Variants in NEUROD6 observed in about 807,000 individuals in gnomAD.
NEUROD6 encodes neuronal differentiation 6.
In NEUROD6, 5 loss-of-function variants were observed where a neutral mutation model predicts 24.1. That is an observed-to-expected ratio of 0.21 (90% CI 0.11 to 0.44). The LOEUF (loss-of-function observed/expected upper bound fraction) is 0.44, where lower values mean the gene tolerates loss of function less well. Among genes scored for constraint, NEUROD6 ranks in the 20% least tolerant of loss-of-function variants. The pLI is 0.99. For synonymous variants in NEUROD6, 182 were observed against 154.1 expected (o/e 1.18, Z -1.34); for missense variants, 325 against 409.5 (o/e 0.79, Z 1.78).
chr7:31,340,016 A>AG (rs1414832994), intron 1 of NEUROD6, among the ~76,000 whole-genome samples: 1 of 149,288 alleles, frequency 6.7e-6, no homozygotes, highest in Non-Finnish European at 1.5e-5. Flanking sequence ...AATTTCTTTT[A>AG]ATTAAAAAAA....
chr7:31,338,412 T>A lies in NEUROD6; in HGVS notation c.857A>T (p.Asn286Ile). 1 of 1,614,184 alleles carries A rather than the reference T, an allele frequency of 6.2e-7. No homozygotes were observed. Among genetic ancestry groups the A allele is most frequent in the Non-Finnish European group, 8.5e-7 (1 of 1,180,034 alleles). The change falls in exon 2 of 2, where the codon AAT becomes ATT. Residue 286 changes from asparagine to isoleucine, a missense_variant. This residue lies in a region of NEUROD6 where 175 missense variants were observed against 201.3 expected (regional missense o/e 0.87). Transcript: ENST00000297142. This position sits in a 1 kb window ranked among gnomAD's most constrained non-coding sequence, Gnocchi z 5.1. ...CACTGCACAGTAATGCATGCCGTAA[T>A]TGTAATTTTTACCATAGTCCAAGGT... The part of the protein sequence containing the change: ...EETLDYGKNY[N>I]YGMHYCAVPP...
In NEUROD6 at chr7:31,338,009, A is replaced by C. The variant is rs1427170741; in HGVS notation, c.*246T>G. 2.2e-6 allele frequency: 1 copy of C among 460,196 alleles called. No individual in the cohort carries two copies. Among genetic ancestry groups the C allele is most frequent in the African/African-American group, 1.9e-5 (1 of 51,412 alleles). 28.5% of individuals were successfully genotyped at this position (460,196 alleles called of 1,614,324 possible). On this transcript the variant is annotated 3_prime_UTR_variant, in exon 2 of 2. Transcript: ENST00000297142. This position sits in a 1 kb window ranked among gnomAD's most constrained non-coding sequence, Gnocchi z 5.1. ...TTAAATAAGTTTAAAAGAAAATTAA[A>C]AAGAAAAAAATCTTTCCAGTAGAAA...
At position 31,338,159 on chromosome 7, in the gene NEUROD6, A is replaced by G; in HGVS notation, c.*96T>C. ...CACTTCAGAAACTAGTAAACACCTT[A>G]GATAGAGTTGTGCCAATTACTCAGC... On this transcript the variant is annotated 3_prime_UTR_variant, in exon 2 of 2. Coordinates refer to ENST00000297142, the MANE Select transcript of NEUROD6 (RefSeq NM_022728.4). This position sits in a 1 kb window ranked among gnomAD's most constrained non-coding sequence, Gnocchi z 5.1. 1.1e-6 allele frequency: 1 copy of G among 928,798 alleles called. No individual in the cohort carries two copies. The highest frequency in any genetic ancestry group is 1.6e-6 in the Non-Finnish European group (1 of 615,272). 57.5% of individuals were successfully genotyped at this position (928,798 alleles called of 1,614,324 possible). A position where few individuals can be genotyped will look rare whatever the true frequency, so the allele number is the denominator to read the frequency against.
At chr7:31,339,328 T>G (rs369159374) in intron 1 of NEUROD6, 39 bp from the exon 2 acceptor site, 1 of 1,469,262 alleles carries the variant, frequency 6.8e-7, no homozygotes. Flanking sequence ...GAGTTTTCAT[T>G]TTTAAAGTTT....
chr7:31,338,670 G>A lies in NEUROD6; in HGVS notation c.599C>T (p.Thr200Ile). 1 of 1,614,128 alleles carries A rather than the reference G, an allele frequency of 6.2e-7. No individual in the cohort carries two copies. Among genetic ancestry groups the A allele is most frequent in the Non-Finnish European group, 8.5e-7 (1 of 1,180,026 alleles). ...MGQGGEAAHHTRSPYSTFYPP... is the reference protein window; with the variant it reads ...MGQGGEAAHHIRSPYSTFYPP... The stretch of plus-strand genomic sequence containing the variant: ...GTAGAAGGTAGAGTAGGGTGACCTT[G>A]TGTGGTGTGCAGCCTCCCCACCCTG... Residue 200 changes from threonine to isoleucine, a missense_variant, in exon 2 of 2, where the codon ACA becomes ATA. By Grantham distance (89) the Thr-to-Ile change is moderately conservative (BLOSUM62 -1). Transcript: ENST00000297142. This position sits in a 1 kb window ranked among gnomAD's most constrained non-coding sequence, Gnocchi z 5.1.
At chr7:31,340,037 A>T (rs1783106893) in intron 1 of NEUROD6, among the ~76,000 whole-genome samples, 1 of 152,192 alleles carries the variant, frequency 6.6e-6, no homozygotes, top group Admixed American at 6.5e-5. Flanking sequence ...ATAGAGACTG[A>T]TTTTATTTAC....
Position 31,339,283 on chromosome 7 carries a change from A to C in NEUROD6, c.-15T>G. Reference sequence around the variant, plus strand: ...AGTGTTAACATGGTTCTCTAATCTTAAATTACCTGAAAAAATGCCAGCACA... The same window carrying C: ...AGTGTTAACATGGTTCTCTAATCTTCAATTACCTGAAAAAATGCCAGCACA... On this transcript the variant is annotated 5_prime_UTR_variant, in exon 2 of 2. An upstream open reading frame in the 5' UTR loses its in-frame stop. Transcript: ENST00000297142. The C allele has an allele frequency of 2.6e-6, 4 of 1,564,064 alleles. No individual in the cohort carries two copies. Among genetic ancestry groups the C allele is most frequent in the Non-Finnish European group, 3.4e-6 (4 of 1,160,244 alleles).
rs946151312 is a variant in NEUROD6 at position 31,337,980 on chromosome 7, CAAATT to C, written c.*270_*274del. On this transcript the variant is annotated 3_prime_UTR_variant, in exon 2 of 2. Transcript: ENST00000297142. ...TATATTCTTAGACACCTTGTTCAAA[CAAATT>C]AAATAAGTTTAAAAGAAAATTAAAA... The C allele has an allele frequency of 2.9e-5, 11 of 382,794 alleles. No homozygotes were observed. The highest frequency in any genetic ancestry group is 9.4e-5 in the East Asian group (2 of 21,364). The allele number at this position is 382,794 out of a possible 1,614,324, so 23.7% of individuals were successfully genotyped here. A position where few individuals can be genotyped will look rare whatever the true frequency, so the allele number is the denominator to read the frequency against.
rs1783089617 is a variant in NEUROD6, at chr7:31,338,354, C to G, written c.915G>C (p.Met305Ile). The change falls in exon 2 of 2, where the codon ATG becomes ATC. Residue 305 changes from methionine to isoleucine, a missense_variant. This residue lies in a region of NEUROD6 where 175 missense variants were observed against 201.3 expected (regional missense o/e 0.87). Transcript: ENST00000297142. The surrounding 1 kb of genome is among the most constrained non-coding windows in gnomAD (Gnocchi z 5.1). The part of the protein sequence containing the change: ...PPRGPLGQGA[M>I]FRLPTDSHFP... ...AGTGGCTGTCGGTGGGCAACCTGAA[C>G]ATGGCACCCTGCCCAAGGGGACCCC... is the stretch of plus-strand genomic sequence containing the variant. 2.5e-6 allele frequency: 4 copies of G among 1,614,136 alleles called. No individual in the cohort carries two copies. The highest frequency in any genetic ancestry group is 3.4e-6 in the Non-Finnish European group (4 of 1,180,040).
intron 1 of NEUROD6, among the ~76,000 whole-genome samples, 155 bp from the exon 2 acceptor site, chr7:31,339,444 G>A (rs1783101747): frequency 6.6e-6 from 1 of 152,114 alleles, no homozygotes; most frequent in African/African-American, 2.4e-5. Context: ...TTTTGAGTTT[G>A]TGAAGATAAG....
At chr7:31,340,501 A>T (rs1244607857) in intron 1 of NEUROD6, 92 bp downstream of exon 1, 1 of 152,256 alleles carries the variant, frequency 6.6e-6, no homozygotes, top group Admixed American at 6.5e-5. Flanking sequence ...GATGGCAAAG[A>T]GCATATAAAT....
At chr7:31,339,684 G>C (rs571768894) in intron 1 of NEUROD6, among the ~76,000 whole-genome samples, 7 of 152,230 alleles carry the variant, frequency 4.6e-5, no homozygotes, top group African/African-American at 1.4e-4. Flanking sequence ...AGCACAAAAT[G>C]AGAAGATAAA....
rs1310086728 is a variant in NEUROD6 at position 31,338,675 on chromosome 7, G to T, written c.594C>A (p.His198Gln). The change falls in exon 2 of 2, where the codon CAC (histidine) becomes CAA (glutamine). Residue 198 changes from histidine to glutamine, a missense_variant. Around this residue, in one of 3 missense-constraint regions of NEUROD6, gnomAD observed 175 missense variants for 201.3 expected, o/e 0.87. Coordinates refer to ENST00000297142, the MANE Select transcript of NEUROD6 (RefSeq NM_022728.4). The surrounding 1 kb of genome is among the most constrained non-coding windows in gnomAD (Gnocchi z 5.1). ...AGGTAGAGTAGGGTGACCTTGTGTG[G>T]TGTGCAGCCTCCCCACCCTGACCCA... ...FLMGQGGEAA[H>Q]HTRSPYSTFY... The T allele has an allele frequency of 6.2e-7, 1 of 1,614,110 alleles. No homozygotes were observed. The highest frequency in any genetic ancestry group is 1.7e-5 in the Admixed American group (1 of 60,008).
At position 31,338,510 on chromosome 7, in the gene NEUROD6, G is replaced by A; in HGVS notation, c.759C>T (p.Ser253=). The A allele has an allele frequency of 6.2e-7, 1 of 1,614,010 alleles. No individual in the cohort carries two copies. Among genetic ancestry groups the A allele is most frequent in the Non-Finnish European group, 8.5e-7 (1 of 1,179,952 alleles). The change falls in exon 2 of 2, where the codon AGC becomes AGT. Residue 253 remains serine (S), a synonymous_variant. Coordinates refer to ENST00000297142, the MANE Select transcript of NEUROD6 (RefSeq NM_022728.4). The surrounding 1 kb of genome is among the most constrained non-coding windows in gnomAD (Gnocchi z 5.1). Reference sequence around the variant, plus strand: ...GACTTAAGGGACCTTCAAACTGAGGGCTGGCACACTCAGGGGAAGTACTTT... The same window carrying A: ...GACTTAAGGGACCTTCAAACTGAGGACTGGCACACTCAGGGGAAGTACTTT... ...FYESTSPECA[S]PQFEGPLSPP...
In NEUROD6 at chr7:31,338,120, C is replaced by T; in HGVS notation, c.*135G>A. 1 of 657,116 alleles carries T rather than the reference C, an allele frequency of 1.5e-6. No individual in the cohort carries two copies. Among genetic ancestry groups the T allele is most frequent in the Non-Finnish European group, 2.5e-6 (1 of 397,824 alleles). The allele number at this position is 657,116 out of a possible 1,614,324, so 40.7% of individuals were successfully genotyped here. A position where few individuals can be genotyped will look rare whatever the true frequency, so the allele number is the denominator to read the frequency against. ...TTTATTATTACATAGAAAATTCTCACAATAGTTGAAACACACTTCAGAAAC... is the reference window on the plus strand; with the variant it reads ...TTTATTATTACATAGAAAATTCTCATAATAGTTGAAACACACTTCAGAAAC... On this transcript the variant is annotated 3_prime_UTR_variant, in exon 2 of 2. Coordinates refer to ENST00000297142, the MANE Select transcript of NEUROD6 (RefSeq NM_022728.4). This position sits in a 1 kb window ranked among gnomAD's most constrained non-coding sequence, Gnocchi z 5.1.
At chr7:31,339,799 C>T (rs909030073) in intron 1 of NEUROD6, among the ~76,000 whole-genome samples, 6 of 152,012 alleles carry the variant, frequency 3.9e-5, no homozygotes, top group Admixed American at 2.6e-4. Context: ...TGCTGTATCA[C>T]ACAACTGTGA....
At position 31,338,124 on chromosome 7, in the gene NEUROD6, A is replaced by G; in HGVS notation, c.*131T>C. The G allele has an allele frequency of 3.0e-6, 2 of 669,278 alleles. No homozygotes were observed. Among genetic ancestry groups the G allele is most frequent in the South Asian group, 2.2e-5 (1 of 45,534 alleles). The allele number at this position is 669,278 out of a possible 1,614,324, so 41.5% of individuals were successfully genotyped here. On this transcript the variant is annotated 3_prime_UTR_variant, in exon 2 of 2. Transcript: ENST00000297142. The surrounding 1 kb of genome is among the most constrained non-coding windows in gnomAD (Gnocchi z 5.1). Reference sequence around the variant, plus strand: ...TTATTACATAGAAAATTCTCACAATAGTTGAAACACACTTCAGAAACTAGT... The same window carrying G: ...TTATTACATAGAAAATTCTCACAATGGTTGAAACACACTTCAGAAACTAGT...
chr7:31,339,123 T>C lies in NEUROD6; in HGVS notation c.146A>G (p.Lys49Arg), dbSNP rs749339182. 12 of 1,614,086 alleles carry C rather than the reference T, an allele frequency of 7.4e-6. No individual in the cohort carries two copies. In the South Asian group the frequency reaches 9.9e-5, roughly 13 times the overall value. Residue 49 changes from lysine (K) to arginine (R), a missense_variant, in exon 2 of 2, where the codon AAA (lysine) becomes AGA (arginine). Physicochemically the swap from Lys to Arg is conservative, Grantham distance 26. This residue lies in a region of NEUROD6 where 109 missense variants were observed against 107.3 expected (regional missense o/e 1.02). Coordinates refer to ENST00000297142, the MANE Select transcript of NEUROD6 (RefSeq NM_022728.4). ...KQIVLRGKSIKRAPGEETEKE... is the reference protein window; with the variant it reads ...KQIVLRGKSIRRAPGEETEKE... The stretch of plus-strand genomic sequence containing the variant: ...CTCGGTTTCTTCTCCAGGGGCCCTT[T>C]TGATGCTCTTTCCTCGAAGGACAAT...
chr7:31,340,144 G>C (rs1333573729), intron 1 of NEUROD6, among the ~76,000 whole-genome samples: 1 of 152,156 alleles, frequency 6.6e-6, no homozygotes, highest in Non-Finnish European at 1.5e-5. Flanking sequence ...ACGAGCCATA[G>C]AAGTCTCCCT....
Sources: gnomAD v4.1 joint callset for allele counts (sites outside exome capture counted in the v4.1 genomes callset) on GRCh38, gnomAD v4.1.1 for gene constraint, gnomAD v4.1.1 regional missense constraint, Gnocchi (gnomAD v3.1) non-coding constraint, MANE v1.5 for transcripts, NCBI Gene and HGNC (gene_info 2026-07-23, HGNC 2026-07-21) for gene names.